LRP1B: variants seen among roughly 807,000 people sequenced by gnomAD.
The protein encoded by LRP1B is low-density lipoprotein receptor-related protein 1B.
In LRP1B, 217 loss-of-function variants were observed where a neutral mutation model predicts 556.6. The ratio of observed to expected loss-of-function variants is 0.39; its 90% CI spans 0.35 to 0.44. The LOEUF is 0.44. Ranked by LOEUF, LRP1B falls within the 20% of genes least tolerant of loss-of-function variation. The pLI is 1.00. For synonymous variants in LRP1B, 2,047 were observed against 1,865.8 expected (o/e 1.10, Z -2.50); for missense variants, 5,053 against 5,620.8 (o/e 0.90, Z 3.23).
intron 7 of LRP1B, among the ~76,000 whole-genome samples, chr2:141,071,151 T>C (rs1396112187): frequency 6.6e-6 from 1 of 151,042 alleles, no homozygotes; most frequent in African/African-American, 2.4e-5. Context: ...AAAAAGCTTA[T>C]CCACCATGAT....
At chr2:141,791,378 TAC>T (rs770659142) in intron 2 of LRP1B, among the ~76,000 whole-genome samples, 1 of 151,718 alleles carries the variant, frequency 6.6e-6, no homozygotes, top group African/African-American at 2.4e-5. Context: ...TTGAGCTATA[TAC>T]ACACACACAC....
chr2:142,010,554 CAAAAAAAAA>C (rs33927334), intron 1 of LRP1B, among the ~76,000 whole-genome samples: 2 of 60,248 alleles, frequency 3.3e-5, no homozygotes, highest in African/African-American at 6.5e-5. Context: ...GATTCTGTCT[CAAAAAAAAA>C]AAAAAAAAAA....
chr2:141,629,706 T>C (rs1688839209), intron 2 of LRP1B, among the ~76,000 whole-genome samples: 2 of 152,258 alleles, frequency 1.3e-5, no homozygotes, highest in South Asian at 4.1e-4. Context: ...TAACTCAAAA[T>C]GTAACTTTGG....
chr2:140,885,002 T>C (rs1226880652), intron 24 of LRP1B, among the ~76,000 whole-genome samples: 1 of 152,158 alleles, frequency 6.6e-6, no homozygotes, highest in Non-Finnish European at 1.5e-5. Flanking sequence ...CATGAGCCAC[T>C]GTGCTGGCCA....
chr2:140,788,761 C>T (rs1690001033), intron 32 of LRP1B, among the ~76,000 whole-genome samples: 1 of 152,152 alleles, frequency 6.6e-6, no homozygotes, highest in African/African-American at 2.4e-5. Flanking sequence ...TATTGCATCC[C>T]CACAAAATGT....
intron 3 of LRP1B, among the ~76,000 whole-genome samples, chr2:141,299,955 T>G (rs1357820092): frequency 1.3e-5 from 2 of 152,218 alleles, no homozygotes; most frequent in Non-Finnish European, 2.9e-5. Flanking sequence ...TATGATGGCA[T>G]TAGGACATGA....
intron 3 of LRP1B, among the ~76,000 whole-genome samples, chr2:141,411,627 A>G (rs982757327): frequency 6.6e-6 from 1 of 152,126 alleles, no homozygotes; most frequent in African/African-American, 2.4e-5. Context: ...TATGTGCATG[A>G]AAATGTGCGT....
At chr2:140,655,193 A>C (rs539045427) in intron 41 of LRP1B, among the ~76,000 whole-genome samples, 31 of 152,262 alleles carry the variant, frequency 2.0e-4, no homozygotes, top group African/African-American at 7.5e-4. Context: ...GAAATAATTA[A>C]AATTTACCAA....
chr2:141,116,069 CTTAT>C (rs1005968157), intron 7 of LRP1B, among the ~76,000 whole-genome samples: 5 of 151,914 alleles, frequency 3.3e-5, no homozygotes, highest in African/African-American at 1.2e-4. Flanking sequence ...TCCTGTGAAA[CTTAT>C]TTAAAGAATG....
chr2:140,662,916 G>A (rs115226906), intron 41 of LRP1B, among the ~76,000 whole-genome samples: 2,077 of 152,222 alleles, frequency 0.014, 40 homozygotes, highest in Admixed American at 0.046. Context: ...ATTGATAACA[G>A]AAAAGTTGTA....
chr2:141,461,524 T>C (rs760643366), intron 3 of LRP1B, among the ~76,000 whole-genome samples: 31 of 152,184 alleles, frequency 2.0e-4, no homozygotes, highest in Admixed American at 5.2e-4. Context: ...CTCTAATAAG[T>C]GGTATCTATA....
chr2:141,170,679 C>A (rs1680466461), intron 7 of LRP1B, among the ~76,000 whole-genome samples: 1 of 152,008 alleles, frequency 6.6e-6, no homozygotes, highest in African/African-American at 2.4e-5. Flanking sequence ...TTCAGGGAAA[C>A]CACTCAAACA....
intron 5 of LRP1B, 107 bp downstream of exon 5, chr2:141,247,119 T>C: frequency 7.9e-7 from 1 of 1,262,692 alleles, no homozygotes; most frequent in Non-Finnish European, 1.1e-6. Context: ...AGCAAATCTC[T>C]CTCTTCAAAG....
chr2:141,674,675 T>C (rs1326831616), intron 2 of LRP1B, among the ~76,000 whole-genome samples: 1 of 152,038 alleles, frequency 6.6e-6, no homozygotes, highest in Non-Finnish European at 1.5e-5. Context: ...GCTATCTTGT[T>C]TTCAAATGAG....
At chr2:141,192,354 T>C (rs984563972) in intron 6 of LRP1B, among the ~76,000 whole-genome samples, 12 of 151,928 alleles carry the variant, frequency 7.9e-5, no homozygotes, top group Non-Finnish European at 1.8e-4. Context: ...TATACCTGTC[T>C]TCAGAAATCA....
chr2:141,295,776 CACACACACACACACAT>C (rs954695914), intron 3 of LRP1B, among the ~76,000 whole-genome samples: 2 of 151,258 alleles, frequency 1.3e-5, no homozygotes, highest in African/African-American at 2.4e-5. Flanking sequence ...CACACACACA[CACACACACACACACAT>C]AACAGTGGGG....
intron 1 of LRP1B, among the ~76,000 whole-genome samples, chr2:142,073,570 A>G (rs1312108643): frequency 6.6e-6 from 1 of 151,988 alleles, no homozygotes; most frequent in African/African-American, 2.4e-5. Flanking sequence ...TTCCATACTC[A>G]TATTCATCTC....
chr2:141,315,589 T>G (rs528516659), intron 3 of LRP1B, among the ~76,000 whole-genome samples: 1 of 151,876 alleles, frequency 6.6e-6, no homozygotes, highest in Non-Finnish European at 1.5e-5. Flanking sequence ...TGTATTTTTA[T>G]GTATAAATTG....
intron 2 of LRP1B, among the ~76,000 whole-genome samples, chr2:141,737,327 G>T (rs1693513220): frequency 6.6e-6 from 1 of 152,112 alleles, no homozygotes; most frequent in Admixed American, 6.5e-5. Context: ...ACTCCAGGCT[G>T]GACAACAGAG....
Sources: gnomAD v4.1 joint callset for allele counts (sites outside exome capture counted in the v4.1 genomes callset) on GRCh38, gnomAD v4.1.1 for gene constraint, MANE v1.5 for transcripts, NCBI Gene and HGNC (gene_info 2026-07-23, HGNC 2026-07-21) for gene names.